The following LOC400499 variants were observed in gnomAD, a reference collection of about 807,000 sequenced individuals.
chr16:11,420,316 T>C, the LOC400499 span, among the ~76,000 whole-genome samples: 1 of 151,304 alleles, frequency 6.6e-6, no homozygotes, highest in Non-Finnish European at 1.5e-5. Context: ...AAATTAGAAA[T>C]CATCATTCTC....
the LOC400499 span, among the ~76,000 whole-genome samples, chr16:11,397,057 T>C: frequency 5.9e-5 from 9 of 152,154 alleles, no homozygotes; most frequent in Admixed American, 2.0e-4. Context: ...ACCCTGACCA[T>C]AGACCATGCA....
the LOC400499 span, among the ~76,000 whole-genome samples, chr16:11,512,462 G>C: frequency 6.6e-6 from 1 of 151,936 alleles, no homozygotes; most frequent in East Asian, 1.9e-4. Context: ...AATCAGCCAG[G>C]CATGGTGGTG....
the LOC400499 span, chr16:11,393,533 A>T: frequency 8.1e-7 from 1 of 1,232,304 alleles, no homozygotes; most frequent in Admixed American, 4.2e-5. Flanking sequence ...CCAGTAGGCC[A>T]ACCCGCTGAG....
chr16:11,497,164 G>A, the LOC400499 span, among the ~76,000 whole-genome samples: 25 of 152,282 alleles, frequency 1.6e-4, no homozygotes, highest in East Asian at 4.3e-3. Flanking sequence ...GTGTGCGTGT[G>A]CACGTCCCAG....
At chr16:11,515,480 TACATACATACATACATACGTAC>T in the LOC400499 span, among the ~76,000 whole-genome samples, 1 of 144,624 alleles carries the variant, frequency 6.9e-6, no homozygotes, top group African/African-American at 2.9e-5. Flanking sequence ...CATACGTACG[TACATACATACATACATACGTAC>T]GTACATACAT....
the LOC400499 span, chr16:11,460,574 C>T: frequency 3.9e-6 from 6 of 1,535,486 alleles, no homozygotes; most frequent in Middle Eastern, 1.7e-4. Flanking sequence ...CAGCTTCTGG[C>T]TGGTGCTGCA....
At chr16:11,395,255 G>A in the LOC400499 span, among the ~76,000 whole-genome samples, 14 of 152,214 alleles carry the variant, frequency 9.2e-5, no homozygotes, top group Non-Finnish European at 1.8e-4. Flanking sequence ...CTGTCCTGGG[G>A]CCACTGGGTT....
At chr16:11,506,278 G>C in the LOC400499 span, among the ~76,000 whole-genome samples, 4 of 152,134 alleles carry the variant, frequency 2.6e-5, no homozygotes, top group Non-Finnish European at 2.9e-5. Flanking sequence ...GCCCGCCTCA[G>C]CCTCCCAAAG....
chr16:11,469,558 T>A, the LOC400499 span: 1 of 398,936 alleles, frequency 2.5e-6, no homozygotes, highest in Non-Finnish European at 4.4e-6. Context: ...CCGGAACTTG[T>A]TCTGGGGCAA....
At chr16:11,468,802 A>G in the LOC400499 span, among the ~76,000 whole-genome samples, 2 of 151,782 alleles carry the variant, frequency 1.3e-5, no homozygotes, top group South Asian at 4.2e-4. Context: ...TAATTTTTGT[A>G]TTTTTATCAG....
At chr16:11,383,618 T>A in the LOC400499 span, 4 of 1,232,070 alleles carry the variant, frequency 3.2e-6, no homozygotes, top group Non-Finnish European at 4.0e-6. Context: ...CGGGGCAGAG[T>A]GCTAGATGGC....
the LOC400499 span, chr16:11,476,921 T>A: frequency 2.5e-6 from 1 of 399,002 alleles, no homozygotes; most frequent in African/African-American, 2.1e-5. Context: ...GCTGTGCCCA[T>A]CTGAGCTGAG....
chr16:11,394,626 G>C, the LOC400499 span, among the ~76,000 whole-genome samples: 1 of 152,214 alleles, frequency 6.6e-6, no homozygotes, highest in South Asian at 2.1e-4. Flanking sequence ...TTTTGCAAAA[G>C]TAATCAAGTT....
chr16:11,401,664 C>G, the LOC400499 span, among the ~76,000 whole-genome samples: 1 of 152,258 alleles, frequency 6.6e-6, no homozygotes. Flanking sequence ...CCTCCACTGT[C>G]TTCCCTTAGC....
the LOC400499 span, among the ~76,000 whole-genome samples, chr16:11,401,828 C>T: frequency 3.9e-5 from 6 of 152,242 alleles, no homozygotes; most frequent in Non-Finnish European, 8.8e-5. Flanking sequence ...TGTGAGCCAC[C>T]GTCACTGCCG....
At chr16:11,504,812 A>G in the LOC400499 span, among the ~76,000 whole-genome samples, 2 of 152,166 alleles carry the variant, frequency 1.3e-5, no homozygotes, top group Admixed American at 6.6e-5. Context: ...AATTCCAGCT[A>G]TTCAAGAGGC....
At chr16:11,430,005 C>A in the LOC400499 span, among the ~76,000 whole-genome samples, 8 of 152,090 alleles carry the variant, frequency 5.3e-5, no homozygotes, top group Non-Finnish European at 8.8e-5. Context: ...GGCAACCCTA[C>A]CTTAATCAAG....
chr16:11,478,085 G>T, the LOC400499 span: 11 of 395,426 alleles, frequency 2.8e-5, no homozygotes, highest in African/African-American at 1.9e-4. Context: ...GGCCGAGACG[G>T]GTGGATCATT....
chr16:11,490,122 C>T, the LOC400499 span, among the ~76,000 whole-genome samples: 56 of 152,290 alleles, frequency 3.7e-4, no homozygotes, highest in East Asian at 6.2e-3. Flanking sequence ...AGGCTGGACC[C>T]AGTGGCTCAT....
Sources: gnomAD v4.1 joint callset for allele counts (sites outside exome capture counted in the v4.1 genomes callset) on GRCh38, gnomAD v4.1.1 for gene constraint, MANE v1.5 for transcripts.